PDE4D: variants seen among roughly 807,000 people sequenced by gnomAD.
The protein encoded by PDE4D is phosphodiesterase 4D, also known as 3',5'-cyclic-AMP phosphodiesterase 4D.
In PDE4D, 24 loss-of-function variants were observed where a neutral mutation model predicts 87.4. That is an observed-to-expected ratio of 0.27 (90% CI 0.20 to 0.39). The LOEUF (loss-of-function observed/expected upper bound fraction) is 0.39. Among genes scored for constraint, PDE4D ranks in the 10% least tolerant of loss-of-function variants. The pLI is 1.00. For missense variants in PDE4D, 714 were observed against 1,041.0 expected (o/e 0.69, Z 4.32); for synonymous variants, 384 against 383.2 (o/e 1.00, Z -0.02).
intron 1 of PDE4D, among the ~76,000 whole-genome samples, chr5:59,514,111 T>C (rs1356258753): frequency 2.0e-5 from 3 of 150,422 alleles, no homozygotes; most frequent in Non-Finnish European, 4.5e-5. Context: ...CATTTTTCTT[T>C]TTTTTTTTTT....
At chr5:59,880,280 T>A (rs1749249717) in intron 1 of PDE4D, among the ~76,000 whole-genome samples, 1 of 152,056 alleles carries the variant, frequency 6.6e-6, no homozygotes, top group Non-Finnish European at 1.5e-5. Context: ...CAGCTAATTA[T>A]TGTATTTTTT....
At chr5:60,165,698 T>C (rs1421264658) in intron 2 of PDE4D, among the ~76,000 whole-genome samples, 1 of 149,508 alleles carries the variant, frequency 6.7e-6, no homozygotes. Flanking sequence ...AACATTATTA[T>C]ATATAAATAT....
intron 1 of PDE4D, among the ~76,000 whole-genome samples, chr5:59,637,063 C>A (rs995917175): frequency 1.3e-4 from 20 of 152,166 alleles, no homozygotes; most frequent in African/African-American, 4.8e-4. Context: ...AAACAAACAA[C>A]CCCATCAAAA....
At chr5:60,026,696 T>G (rs536293143) in intron 2 of PDE4D, among the ~76,000 whole-genome samples, 1 of 152,172 alleles carries the variant, frequency 6.6e-6, no homozygotes. Flanking sequence ...TCTAGCCCCA[T>G]GCAACACATT....
intron 5 of PDE4D, among the ~76,000 whole-genome samples, chr5:59,128,015 C>CGTGTGTGTGTGTGTGTGTGTGT (rs55796726): frequency 2.8e-5 from 4 of 144,332 alleles, no homozygotes; most frequent in Admixed American, 7.0e-5. Flanking sequence ...CTTTCAGAGC[C>CGTGTGTGTGTGTGTGTGTGTGT]GTGTGTGTGT....
chr5:59,328,411 T>C (rs951270765), intron 1 of PDE4D, among the ~76,000 whole-genome samples: 1 of 152,222 alleles, frequency 6.6e-6, no homozygotes, highest in Non-Finnish European at 1.5e-5. Context: ...CATTCTAGAA[T>C]GCTTTAAACT....
chr5:60,373,248 G>A (rs1761174777), intron 1 of PDE4D, among the ~76,000 whole-genome samples: 1 of 152,160 alleles, frequency 6.6e-6, no homozygotes, highest in Non-Finnish European at 1.5e-5. Context: ...ATTTCAAAAT[G>A]CGGGCATCTT....
chr5:59,585,710 C>T (rs1403679354), intron 1 of PDE4D, among the ~76,000 whole-genome samples: 1 of 152,170 alleles, frequency 6.6e-6, no homozygotes, highest in Non-Finnish European at 1.5e-5. Flanking sequence ...TGCATTGAAC[C>T]TTAATAGATG....
chr5:59,890,370 A>G (rs1750787954), intron 1 of PDE4D, among the ~76,000 whole-genome samples: 1 of 152,054 alleles, frequency 6.6e-6, no homozygotes, highest in African/African-American at 2.4e-5. Flanking sequence ...TTATCTGAAC[A>G]CTCTTTCATA....
chr5:59,855,239 T>C (rs1415859876), intron 1 of PDE4D, among the ~76,000 whole-genome samples: 3 of 152,148 alleles, frequency 2.0e-5, no homozygotes, highest in Non-Finnish European at 4.4e-5. Context: ...GGACTTCTGT[T>C]TCTTTCCACA....
At chr5:59,270,454 G>A (rs1228047608) in intron 1 of PDE4D, among the ~76,000 whole-genome samples, 1 of 152,112 alleles carries the variant, frequency 6.6e-6, no homozygotes, top group African/African-American at 2.4e-5. Context: ...GCAGAGAACA[G>A]AAAAACTTGG....
chr5:60,147,690 G>C, intron 2 of PDE4D: 1 of 442,980 alleles, frequency 2.3e-6, no homozygotes, highest in South Asian at 1.6e-5. Flanking sequence ...CGCCAGCTGA[G>C]GCTGCTGCTA....
At position 59,557,404 on chromosome 5, in the gene PDE4D, GC is replaced by G. The variant is rs939329364; in HGVS notation, c.455+335763del. Among the ~76,000 whole-genome samples, 15 of 152,196 alleles carry G rather than the reference GC, an allele frequency of 9.9e-5. No homozygotes were observed. In the East Asian group the frequency reaches 2.9e-3, roughly 29 times the overall value. Reference sequence around the variant, plus strand: ...TGAGTTTTATTTTCTGGCCAGGTTGGCATTTTGAGATCTAGAATCTTTATAT... The same window carrying G: ...TGAGTTTTATTTTCTGGCCAGGTTGGATTTTGAGATCTAGAATCTTTATAT... On this transcript the variant is annotated intron_variant, in intron 1 of 14. Transcript: ENST00000340635.
intron 5 of PDE4D, among the ~76,000 whole-genome samples, chr5:59,046,334 G>A (rs950442758): frequency 2.2e-5 from 3 of 134,410 alleles, no homozygotes; most frequent in Non-Finnish European, 5.0e-5. Context: ...GCACATGCAT[G>A]TGTGTGTGTG....
chr5:59,100,467 T>C (rs1770549896), intron 5 of PDE4D, among the ~76,000 whole-genome samples: 1 of 152,186 alleles, frequency 6.6e-6, no homozygotes, highest in South Asian at 2.1e-4. Flanking sequence ...TTTTGCTATA[T>C]ATATCCAGTA....
intron 1 of PDE4D, among the ~76,000 whole-genome samples, chr5:60,402,137 G>A (rs1741148038): frequency 1.3e-5 from 2 of 152,160 alleles, no homozygotes; most frequent in African/African-American, 2.4e-5. Context: ...TTGTTTCTTT[G>A]TTCCAGCAAT....
intron 1 of PDE4D, among the ~76,000 whole-genome samples, chr5:60,341,776 C>T (rs1561140118): frequency 6.6e-6 from 1 of 151,900 alleles, no homozygotes; most frequent in Non-Finnish European, 1.5e-5. Flanking sequence ...TAAGGATGTA[C>T]AAAACTCAGA....
intron 1 of PDE4D, among the ~76,000 whole-genome samples, chr5:60,463,020 A>G (rs914546597): frequency 1.3e-5 from 2 of 152,206 alleles, no homozygotes; most frequent in Non-Finnish European, 2.9e-5. Context: ...TAAGAAGGAA[A>G]CCCGTGAAAC....
intron 1 of PDE4D, among the ~76,000 whole-genome samples, chr5:60,413,458 A>T (rs925709268): frequency 2.0e-5 from 3 of 152,150 alleles, no homozygotes; most frequent in African/African-American, 7.2e-5. Context: ...TGAGAGGAGG[A>T]AGGAGGAAGG....
Sources: allele counts gnomAD v4.1 joint callset (sites outside exome capture counted in the v4.1 genomes callset), GRCh38; gene constraint gnomAD v4.1.1; transcripts MANE v1.5; gene names NCBI Gene and HGNC (gene_info 2026-07-23, HGNC 2026-07-21).